PTDSS2: variants seen among roughly 807,000 people sequenced by gnomAD.
The protein encoded by PTDSS2 is phosphatidylserine synthase 2.
PTDSS2 carries 41 observed loss-of-function variants against 64.7 expected under a neutral mutation model. The ratio of observed to expected loss-of-function variants is 0.63; its 90% CI spans 0.49 to 0.82. The LOEUF (loss-of-function observed/expected upper bound fraction) is 0.82, where lower values mean the gene tolerates loss of function less well. Among genes scored for constraint, PTDSS2 ranks in the 40% least tolerant of loss-of-function variants. PTDSS2 has a pLI of 0.00. For synonymous variants in PTDSS2, 297 were observed against 277.8 expected, an observed-to-expected ratio of 1.07 and a Z score of -0.69; for missense variants, 485 against 650.0, an observed-to-expected ratio of 0.75 and a Z score of 2.76.
chr11:462,317 G>A lies in PTDSS2; in HGVS notation c.284+2029G>A, dbSNP rs898328280. ...TGGCCTCTCCTGAGTGGCCCCCGAC[G>A]TGAGAGGCTGGGTTCTGCCATCCTG... On this transcript the variant is annotated intron_variant, in intron 2 of 11. Coordinates refer to ENST00000308020, the MANE Select transcript of PTDSS2 (RefSeq NM_030783.3). This position sits in a 1 kb window ranked among gnomAD's most constrained non-coding sequence, Gnocchi z 4.5. Among the ~76,000 whole-genome samples, 9 of 152,120 alleles carry A rather than the reference G, an allele frequency of 5.9e-5. No individual in the cohort carries two copies. The highest frequency in any genetic ancestry group is 1.3e-4 in the Admixed American group (2 of 15,276).
upstream of PTDSS2, chr11:448,374 C>T (rs1239763332): frequency 1.3e-5 from 2 of 152,302 alleles, no homozygotes; most frequent in Non-Finnish European, 2.9e-5. Flanking sequence ...AGAGAACACC[C>T]ATACGCAGGA....
intron 4 of PTDSS2, among the ~76,000 whole-genome samples, chr11:485,479 T>G (rs1312859233): frequency 7.2e-6 from 1 of 138,106 alleles, no homozygotes; most frequent in Admixed American, 7.3e-5. Context: ...GTGTGTGTGC[T>G]CACTGTGCAG....
intron 1 of PTDSS2, among the ~76,000 whole-genome samples, chr11:457,856 G>A (rs1372136666): frequency 6.6e-6 from 1 of 152,200 alleles, no homozygotes; most frequent in African/African-American, 2.4e-5. Context: ...TTTCTGTGCC[G>A]TTTTGCAGTC....
At chr11:455,268 C>G (rs73385835) in intron 1 of PTDSS2, among the ~76,000 whole-genome samples, 4,916 of 152,290 alleles carry the variant, frequency 0.032, 280 homozygotes, top group African/African-American at 0.11. Flanking sequence ...CTTCACCCCT[C>G]TTTTCTTAGA....
At chr11:454,471 G>C (rs1362210385) in intron 1 of PTDSS2, among the ~76,000 whole-genome samples, 2 of 152,172 alleles carry the variant, frequency 1.3e-5, no homozygotes. Context: ...AGTGAGTGTT[G>C]GGTTGGTGGC....
chr11:471,434 T>A (rs896357283), intron 2 of PTDSS2, among the ~76,000 whole-genome samples: 2 of 152,258 alleles, frequency 1.3e-5, no homozygotes, highest in African/African-American at 2.4e-5. Context: ...AAAGTTGTCA[T>A]AAACATTATG....
intron 3 of PTDSS2, among the ~76,000 whole-genome samples, chr11:477,668 C>T (rs1015161907): frequency 3.9e-5 from 6 of 152,334 alleles, no homozygotes; most frequent in East Asian, 1.9e-4. Flanking sequence ...ACCTGTGGCC[C>T]GCTCAGAACA....
intron 8 of PTDSS2, 77 bp downstream of exon 8, chr11:488,724 A>C: frequency 9.5e-7 from 1 of 1,051,768 alleles, no homozygotes; most frequent in Admixed American, 1.7e-5. Flanking sequence ...GCTCCAGCAG[A>C]CCCCGAGCAC....
At chr11:490,363 G>A in intron 11 of PTDSS2, 57 bp from the exon 12 acceptor site, 3 of 1,608,726 alleles carry the variant, frequency 1.9e-6, no homozygotes, top group Non-Finnish European at 1.7e-6. Flanking sequence ...GCTGTCCATG[G>A]GGCCTGCAGT....
chr11:479,858 G>C lies in PTDSS2; in HGVS notation c.435+706G>C, dbSNP rs192604928. Among the ~76,000 whole-genome samples, 430 of 152,172 alleles carry C rather than the reference G, an allele frequency of 2.8e-3. 2 individuals are homozygous for C. The highest frequency in any genetic ancestry group is 9.9e-3 in the African/African-American group (410 of 41,496). ...ACTTAGTGTAAACACACATTTTTGG[G>C]GCTGTCTTCAGCTTACAAAGGACTT... is the stretch of plus-strand genomic sequence containing the variant. On this transcript the variant is annotated intron_variant, in intron 4 of 11. Coordinates refer to ENST00000308020, the MANE Select transcript of PTDSS2 (RefSeq NM_030783.3). This position sits in a 1 kb window ranked among gnomAD's most constrained non-coding sequence, Gnocchi z 4.2.
At position 476,678 on chromosome 11, in the gene PTDSS2, G is replaced by A. The variant is rs1564981518; in HGVS notation, c.368-2407G>A. On this transcript the variant is annotated intron_variant, in intron 3 of 11. Transcript: ENST00000308020. The surrounding 1 kb of genome is among the most constrained non-coding windows in gnomAD (Gnocchi z 4.9). ...TGGCGCAGGTCACCTGGCGGGATGT[G>A]GAGCATCTGGGCCTGAAGGTCTTGG... Among the ~76,000 whole-genome samples, 1 of 152,130 alleles carries A rather than the reference G, an allele frequency of 6.6e-6. No homozygotes were observed. Among genetic ancestry groups the A allele is most frequent in the Non-Finnish European group, 1.5e-5 (1 of 68,012 alleles).
At chr11:486,326 C>T (rs910757796) in intron 4 of PTDSS2, among the ~76,000 whole-genome samples, 41 of 152,202 alleles carry the variant, frequency 2.7e-4, no homozygotes, top group Middle Eastern at 3.2e-3. Context: ...GCCGCAGTAA[C>T]TCAGGGCCCC....
Position 490,813 on chromosome 11 carries a change from C to CGTGT in PTDSS2, c.*234_*237dup, listed in dbSNP as rs201931623. On this transcript the variant is annotated 3_prime_UTR_variant, in exon 12 of 12. Transcript: ENST00000308020. The stretch of plus-strand genomic sequence containing the variant: ...GCGTGTGTGTACGCGTGTGTACGCG[C>CGTGT]GTGTGTACACATGCGTGGCCGCCTG... The CGTGT allele has an allele frequency of 4.2e-5, 14 of 334,554 alleles. No homozygotes were observed. Among genetic ancestry groups the CGTGT allele is most frequent in the Non-Finnish European group, 7.3e-5 (13 of 178,052 alleles). The allele number at this position is 334,554 out of a possible 1,614,324, so 20.7% of individuals were successfully genotyped here.
At chr11:486,184 C>T (rs1183672279) in intron 4 of PTDSS2, among the ~76,000 whole-genome samples, 1 of 152,224 alleles carries the variant, frequency 6.6e-6, no homozygotes, top group Non-Finnish European at 1.5e-5. Context: ...GCCTGCCTTG[C>T]CCTAAGGTCA....
chr11:478,885 T>C (rs1365852959), intron 3 of PTDSS2, among the ~76,000 whole-genome samples, 200 bp from the exon 4 acceptor site: 2 of 152,000 alleles, frequency 1.3e-5, no homozygotes, highest in African/African-American at 4.8e-5. Flanking sequence ...ATGGAAAAAA[T>C]GAAGAAAAAA....
chr11:489,667 G>C lies in PTDSS2; in HGVS notation c.1049G>C (p.Arg350Pro). ...MPPEHYLVLL[R>P]LVFFVNVGGV... is the part of the protein sequence containing the mutation. ...CCGGAGCACTACCTGGTCCTCCTGC[G>C]GCTCGTCTTCTTCGTGAACGTGGGT... Residue 350 changes from arginine to proline, a missense_variant, in exon 10 of 12, where the codon CGG becomes CCG. Arg to Pro is a moderately radical substitution (Grantham distance 103). Coordinates refer to ENST00000308020, the MANE Select transcript of PTDSS2 (RefSeq NM_030783.3). 1 of 1,600,644 alleles carries C rather than the reference G, an allele frequency of 6.2e-7. No homozygotes were observed. The highest frequency in any genetic ancestry group is 8.5e-7 in the Non-Finnish European group (1 of 1,174,312).
rs771035373 is a variant in PTDSS2 at position 489,672 on chromosome 11, GTCT to G, written c.1060_1062del (p.Phe354del). 3.1e-6 allele frequency: 5 copies of G among 1,597,850 alleles called. No homozygotes were observed. The highest frequency in any genetic ancestry group is 1.3e-5 in the African/African-American group (1 of 74,522). ...GCACTACCTGGTCCTCCTGCGGCTC[GTCT>G]TCTTCGTGAACGTGGGTGGCGTGGC... On this transcript the variant is annotated inframe_deletion, in exon 10 of 12. Transcript: ENST00000308020.
rs1429027250 is a variant in PTDSS2 at position 461,230 on chromosome 11, G to C, written c.284+942G>C. On this transcript the variant is annotated intron_variant, in intron 2 of 11. Coordinates refer to ENST00000308020, the MANE Select transcript of PTDSS2 (RefSeq NM_030783.3). This position sits in a 1 kb window ranked among gnomAD's most constrained non-coding sequence, Gnocchi z 4.2. Reference sequence around the variant, plus strand: ...AGTCTCGCTATCTTCGTGACTGTTGGGTGGGGTGATGGGTGGGCATGGTGT... The same window carrying C: ...AGTCTCGCTATCTTCGTGACTGTTGCGTGGGGTGATGGGTGGGCATGGTGT... Among the ~76,000 whole-genome samples, 1 of 152,282 alleles carries C rather than the reference G, an allele frequency of 6.6e-6. No homozygotes were observed. Among genetic ancestry groups the C allele is most frequent in the Admixed American group, 6.5e-5 (1 of 15,300 alleles).
In PTDSS2 at chr11:491,077, G is replaced by A. The variant is rs1038279299; in HGVS notation, c.*495G>A. ...CTCCGTGGGCCCTGGGTGCGCTGAG[G>A]CCTGGAGGCGTCTACACTGGCTCCA... On this transcript the variant is annotated 3_prime_UTR_variant, in exon 12 of 12. Coordinates refer to ENST00000308020, the MANE Select transcript of PTDSS2 (RefSeq NM_030783.3). 8 of 162,778 alleles carry A rather than the reference G, an allele frequency of 4.9e-5. No homozygotes were observed. The highest frequency in any genetic ancestry group is 1.9e-4 in the African/African-American group (8 of 41,566). 10.1% of individuals were successfully genotyped at this position (162,778 alleles called of 1,614,324 possible). A position where few individuals can be genotyped will look rare whatever the true frequency, so the allele number is the denominator to read the frequency against.
Sources: allele counts gnomAD v4.1 joint callset (sites outside exome capture counted in the v4.1 genomes callset), GRCh38; gene constraint gnomAD v4.1.1; non-coding constraint Gnocchi (gnomAD v3.1); transcripts MANE v1.5; gene names NCBI Gene and HGNC (gene_info 2026-07-23, HGNC 2026-07-21).